Variants in ITGA11 observed in about 807,000 individuals in gnomAD.
ITGA11 encodes the protein integrin alpha-11.
Under a neutral mutation model 141.9 loss-of-function variants are expected in ITGA11, and 97 were observed. The observed-to-expected ratio is 0.68, with a 90% confidence interval of 0.58 to 0.81. ITGA11 has a LOEUF of 0.81. ITGA11 is among the 30% of genes least tolerant of loss of function. The pLI is 0.00. For synonymous variants in ITGA11, 658 were observed against 624.6 expected, an observed-to-expected ratio of 1.05 and a Z score of -0.80; for missense variants, 1,387 against 1,559.2, an observed-to-expected ratio of 0.89 and a Z score of 1.86.
Position 68,320,388 on chromosome 15 carries a change from A to G in ITGA11, c.2413T>C (p.Tyr805His). 6.3e-7 allele frequency: 1 copy of G among 1,583,774 alleles called. No homozygotes were observed. The highest frequency in any genetic ancestry group is 8.6e-7 in the Non-Finnish European group (1 of 1,164,854). Residue 805 changes from tyrosine to histidine, a missense_variant, in exon 20 of 30, where the codon TAC (tyrosine) becomes CAC (histidine). Physicochemically the swap from Tyr to His is moderately conservative, Grantham distance 83 (BLOSUM62 2). Transcript: ENST00000315757. Reference sequence around the variant, plus strand: ...GGCTTCCTCAGCACCCTCTGGCAGTACTCCCTGAGAACAAGAGACCACCAG... The same window carrying G: ...GGCTTCCTCAGCACCCTCTGGCAGTGCTCCCTGAGAACAAGAGACCACCAG... ...ARSDLPTAME[Y>H]CQRVLRKPAQ... is the part of the protein sequence containing the mutation.
chr15:68,352,521 A>G (rs1409927779), intron 7 of ITGA11, among the ~76,000 whole-genome samples: 1 of 152,050 alleles, frequency 6.6e-6, no homozygotes, highest in Non-Finnish European at 1.5e-5. Context: ...GGTTCTGGTG[A>G]GCATCCAGAG....
intron 10 of ITGA11, among the ~76,000 whole-genome samples, chr15:68,346,344 T>C (rs1894742826): frequency 6.6e-6 from 1 of 152,206 alleles, no homozygotes; most frequent in Non-Finnish European, 1.5e-5. Flanking sequence ...GGAGCCATTT[T>C]CAAGGCTCAG....
intron 9 of ITGA11, 109 bp from the exon 10 acceptor site, chr15:68,349,009 TG>T: frequency 1.1e-6 from 1 of 893,628 alleles, no homozygotes. Context: ...CGTCAGGAGG[TG>T]GGGCTCTCTT....
intron 1 of ITGA11, among the ~76,000 whole-genome samples, chr15:68,406,948 A>G (rs561315986): frequency 5.3e-5 from 8 of 152,316 alleles, no homozygotes; most frequent in African/African-American, 1.9e-4. Flanking sequence ...AGTTTCCCCA[A>G]ATCACTCAGC....
chr15:68,324,837 C>T lies in ITGA11; in HGVS notation c.2322+294G>A, dbSNP rs1343475755. Among the ~76,000 whole-genome samples the T allele has an allele frequency of 6.6e-6, 1 of 152,096 alleles. No homozygotes were observed. The highest frequency in any genetic ancestry group is 2.1e-4 in the South Asian group (1 of 4,820). ...TCCGATCCCTTCTCATCCAGTGGTT[C>T]TTTGTATTTCTCCGGTGCTCACCCT... On this transcript the variant is annotated intron_variant, in intron 18 of 29. Transcript: ENST00000315757. The surrounding 1 kb of genome is among the most constrained non-coding windows in gnomAD (Gnocchi z 6.3).
chr15:68,357,273 A>G lies in ITGA11; in HGVS notation c.627T>C (p.Asp209=). The G allele has an allele frequency of 6.2e-7, 1 of 1,613,820 alleles. No homozygotes were observed. Residue 209 remains aspartate, a synonymous_variant, in exon 7 of 30, where the codon GAT becomes GAC. Transcript: ENST00000315757. ...IQVGVVQYGE[D]VVHEFHLNDY... ...CGTTGAGGTGAAACTCATGCACCAC[A>G]TCTTCGCCATACTGCACAACTCCAA...
In ITGA11 at chr15:68,296,951, G is replaced by C. The variant is rs1336650257; in HGVS notation, c.*6108C>G. On this transcript the variant is annotated 3_prime_UTR_variant, in exon 30 of 30. Transcript: ENST00000315757. Reference sequence around the variant, plus strand: ...TAATTTGTTTGGTTTTTGTTTGTTTGTTTTTTGAGACAGGGTTTCATTCTG... The same window carrying C: ...TAATTTGTTTGGTTTTTGTTTGTTTCTTTTTTGAGACAGGGTTTCATTCTG... 1 of 149,818 alleles carries C rather than the reference G, an allele frequency of 6.7e-6. No individual in the cohort carries two copies. Among genetic ancestry groups the C allele is most frequent in the Non-Finnish European group, 1.5e-5 (1 of 67,524 alleles). The allele number at this position is 149,818 out of a possible 1,614,324, so 9.3% of individuals were successfully genotyped here.
In ITGA11 at chr15:68,303,788, A is replaced by T; in HGVS notation, c.3479T>A (p.Val1160Asp). The T allele has an allele frequency of 6.2e-7, 1 of 1,611,470 alleles. No individual in the cohort carries two copies. The highest frequency in any genetic ancestry group is 8.5e-7 in the Non-Finnish European group (1 of 1,178,210). Residue 1160 changes from valine (V) to aspartate (D), a missense_variant, in exon 29 of 30, where the codon GTC (valine) becomes GAC (aspartate). By Grantham distance (152) the Val-to-Asp change is radical (BLOSUM62 -3). Coordinates refer to ENST00000315757, the MANE Select transcript of ITGA11 (RefSeq NM_001004439.2). This position sits in a 1 kb window ranked among gnomAD's most constrained non-coding sequence, Gnocchi z 5.3. ...GGCCCTCACCTTCCACAGTGCCAGG[A>T]CCAGCAGGGCCAGCAGTAGGAGGCC... is the stretch of plus-strand genomic sequence containing the variant. Reference protein sequence around the residue: ...LGGLLLLALLVLALWKLGFFR... With the variant: ...LGGLLLLALLDLALWKLGFFR...
At chr15:68,370,403 GGGTCCCCA>G (rs1465531983) in intron 2 of ITGA11, among the ~76,000 whole-genome samples, 1 of 152,162 alleles carries the variant, frequency 6.6e-6, no homozygotes, top group Non-Finnish European at 1.5e-5. Flanking sequence ...TCAGACTGGA[GGGTCCCCA>G]GGTCCTGTCC....
intron 1 of ITGA11, among the ~76,000 whole-genome samples, chr15:68,410,694 T>C (rs1896753582): frequency 6.6e-6 from 1 of 152,186 alleles, no homozygotes; most frequent in African/African-American, 2.4e-5. Flanking sequence ...AGGCCATCAT[T>C]TCAAAGAGGC....
chr15:68,307,568 C>A lies in ITGA11; in HGVS notation c.3285+18G>T, dbSNP rs2140266111. On this transcript the variant is annotated intron_variant, in intron 27 of 29. Coordinates refer to ENST00000315757, the MANE Select transcript of ITGA11 (RefSeq NM_001004439.2). This position sits in a 1 kb window ranked among gnomAD's most constrained non-coding sequence, Gnocchi z 6.1. Reference sequence around the variant, plus strand: ...CTTTCCCTTCTTCCTTCCAGCCCAGCCCAGGGGCTCTACTTACTGCTTTTA... The same window carrying A: ...CTTTCCCTTCTTCCTTCCAGCCCAGACCAGGGGCTCTACTTACTGCTTTTA... 4.4e-6 allele frequency: 7 copies of A among 1,586,828 alleles called. No individual in the cohort carries two copies. The highest frequency in any genetic ancestry group is 6.0e-6 in the Non-Finnish European group (7 of 1,157,910).
Position 68,302,717 on chromosome 15 carries a change from G to T in ITGA11, c.*342C>A. The T allele has an allele frequency of 3.8e-6, 1 of 263,286 alleles. No individual in the cohort carries two copies. The highest frequency in any genetic ancestry group is 7.1e-6 in the Non-Finnish European group (1 of 141,092). 16.3% of individuals were successfully genotyped at this position (263,286 alleles called of 1,614,324 possible). ...TCCCTGGGTTTCTCTGGAGGATGGGGATGATTACGAATTCCTAGCACCTTA... is the reference window on the plus strand; with the variant it reads ...TCCCTGGGTTTCTCTGGAGGATGGGTATGATTACGAATTCCTAGCACCTTA... On this transcript the variant is annotated 3_prime_UTR_variant, in exon 30 of 30. Transcript: ENST00000315757.
chr15:68,431,080 C>T (rs1897258271), intron 1 of ITGA11, among the ~76,000 whole-genome samples: 3 of 152,226 alleles, frequency 2.0e-5, no homozygotes, highest in African/African-American at 4.8e-5. Context: ...GAGCACTTGG[C>T]CGTCTTCCGC....
At chr15:68,361,967 T>A in intron 4 of ITGA11, 1 of 383,772 alleles carries the variant, frequency 2.6e-6, no homozygotes, top group Non-Finnish European at 4.8e-6. Context: ...CTCCATCTCA[T>A]CATTTAGGAA....
At chr15:68,417,387 C>T (rs570144515) in intron 1 of ITGA11, among the ~76,000 whole-genome samples, 6 of 152,196 alleles carry the variant, frequency 3.9e-5, no homozygotes, top group Non-Finnish European at 8.8e-5. Flanking sequence ...CCCTCCATTC[C>T]TCTCCAATGT....
At chr15:68,320,508 A>T in intron 19 of ITGA11, 116 bp from the exon 20 acceptor site, 1 of 738,682 alleles carries the variant, frequency 1.4e-6, no homozygotes, top group South Asian at 1.8e-5. Context: ...GCCTCTGCTC[A>T]TGGGAATAGC....
intron 10 of ITGA11, among the ~76,000 whole-genome samples, chr15:68,340,171 CG>C (rs1894515354): frequency 2.0e-5 from 3 of 150,784 alleles, no homozygotes; most frequent in African/African-American, 7.3e-5. Context: ...TATTGTCCCC[CG>C]TATCCCCGCC....
chr15:68,405,658 C>T (rs1468264800), intron 1 of ITGA11, among the ~76,000 whole-genome samples: 1 of 152,152 alleles, frequency 6.6e-6, no homozygotes, highest in East Asian at 1.9e-4. Context: ...ACACAGGTCC[C>T]TGGCCAGTGA....
intron 1 of ITGA11, among the ~76,000 whole-genome samples, chr15:68,418,107 A>G (rs575467372): frequency 8.3e-4 from 126 of 152,328 alleles, no homozygotes; most frequent in Non-Finnish European, 1.4e-3. Flanking sequence ...GATTTACATC[A>G]TGGTAATTGG....
Sources: allele counts gnomAD v4.1 joint callset (sites outside exome capture counted in the v4.1 genomes callset), GRCh38; gene constraint gnomAD v4.1.1; non-coding constraint Gnocchi (gnomAD v3.1); transcripts MANE v1.5; gene names NCBI Gene and HGNC (gene_info 2026-07-23, HGNC 2026-07-21).